SIK3: variants seen among roughly 807,000 people sequenced by gnomAD.
SIK3 encodes the protein serine/threonine-protein kinase SIK3.
A neutral mutation model predicts 144.2 loss-of-function variants in SIK3; 28 were observed. That is an observed-to-expected ratio of 0.19 (90% CI 0.14 to 0.27). The LOEUF (loss-of-function observed/expected upper bound fraction) is 0.27. SIK3 is among the 10% of genes least tolerant of loss of function. The probability of loss-of-function intolerance (pLI) is 1.00; values close to 1 mark genes in which losing one functional copy is unlikely to be tolerated. For synonymous variants in SIK3, 686 were observed against 676.3 expected, an observed-to-expected ratio of 1.01 and a Z score of -0.22; for missense variants, 1,319 against 1,776.0, an observed-to-expected ratio of 0.74 and a Z score of 4.62.
At chr11:117,059,706 T>C (rs1257685575) in intron 1 of SIK3, among the ~76,000 whole-genome samples, 3 of 152,156 alleles carry the variant, frequency 2.0e-5, no homozygotes, top group African/African-American at 4.8e-5. Context: ...AAAGATATGA[T>C]CAGATACCTC....
chr11:116,957,093 G>T, intron 1 of SIK3, 29 bp from the exon 2 acceptor site: 1 of 1,326,696 alleles, frequency 7.5e-7, no homozygotes, highest in Non-Finnish European at 1.0e-6. Context: ...AAATTACTCT[G>T]ATGCATTATT....
chr11:116,857,979 T>C lies in SIK3; in HGVS notation c.3486A>G (p.Ser1162=), dbSNP rs758761949. The change falls in exon 21 of 25, where the codon TCA becomes TCG. Residue 1162 remains serine (S), a synonymous_variant. Transcript: ENST00000445177. ...CATGGCAACCTTTGGTCAATGTACT[T>C]GAACTCTTACTGTCTTGGAAGCCAT... ...AKDGFQDSKS[S]STLTKGCHDS... is the part of the protein sequence containing the mutation. The C allele has an allele frequency of 1.3e-5, 21 of 1,614,224 alleles. No individual in the cohort carries two copies. The highest frequency in any genetic ancestry group is 1.6e-4 in the Middle Eastern group (1 of 6,062).
chr11:116,930,260 C>A (rs1348918599), intron 3 of SIK3, among the ~76,000 whole-genome samples: 1 of 152,128 alleles, frequency 6.6e-6, no homozygotes, highest in Non-Finnish European at 1.5e-5. Context: ...TCCCCCCAAC[C>A]CCTACTCCCA....
chr11:116,983,226 CAA>C (rs751603084), intron 1 of SIK3, among the ~76,000 whole-genome samples: 16 of 86,776 alleles, frequency 1.8e-4, no homozygotes, highest in Admixed American at 4.7e-4. Context: ...GACTCTGTCT[CAA>C]AAAAAAAAAA....
At chr11:116,903,492 A>G (rs1180352359) in intron 4 of SIK3, among the ~76,000 whole-genome samples, 2 of 152,246 alleles carry the variant, frequency 1.3e-5, no homozygotes, top group African/African-American at 4.8e-5. Context: ...GAGGAAAAAA[A>G]TTCTCATAAC....
intron 3 of SIK3, among the ~76,000 whole-genome samples, chr11:116,937,898 T>C (rs1948004182): frequency 6.6e-6 from 1 of 152,056 alleles, no homozygotes; most frequent in Admixed American, 6.6e-5. Flanking sequence ...TTAAATGCTA[T>C]TTTCCATTTA....
rs1565345789 is a variant in SIK3, at chr11:116,844,647, T to TGTG, written c.*995_*996insCAC. On this transcript the variant is annotated 3_prime_UTR_variant, in exon 25 of 25. Coordinates refer to ENST00000445177, the MANE Select transcript of SIK3 (RefSeq NM_001366686.3). ...TATATATAATATATTATATTATATA[T>TGTG]TATATATATAATATATATATACACA... 6.1e-4 allele frequency: 67 copies of TGTG among 109,524 alleles called. 3 individuals carry two copies. Among genetic ancestry groups the TGTG allele is most frequent in the African/African-American group, 2.2e-3 (62 of 28,306 alleles). The allele number at this position is 109,524 out of a possible 1,614,324, so 6.8% of individuals were successfully genotyped here.
At chr11:116,976,654 T>C (rs956249519) in intron 1 of SIK3, among the ~76,000 whole-genome samples, 1 of 152,238 alleles carries the variant, frequency 6.6e-6, no homozygotes, top group Non-Finnish European at 1.5e-5. Context: ...TATCTTCCTC[T>C]GCTAAGGCTG....
chr11:116,859,921 C>T (rs963893437), intron 19 of SIK3, among the ~76,000 whole-genome samples: 6 of 152,114 alleles, frequency 3.9e-5, no homozygotes, highest in East Asian at 1.9e-4. Context: ...TGAACTTTCA[C>T]ATGCACACAA....
intron 1 of SIK3, among the ~76,000 whole-genome samples, chr11:116,961,681 T>C (rs896061157): frequency 1.3e-5 from 2 of 152,208 alleles, no homozygotes; most frequent in African/African-American, 2.4e-5. Flanking sequence ...AGAGACCATA[T>C]ATTTCCTAAG....
At chr11:116,977,726 G>A (rs181293267) in intron 1 of SIK3, among the ~76,000 whole-genome samples, 94 of 152,244 alleles carry the variant, frequency 6.2e-4, no homozygotes, top group Middle Eastern at 3.4e-3. Context: ...TTTAAGACAG[G>A]TAGAATAAAA....
intron 1 of SIK3, among the ~76,000 whole-genome samples, chr11:117,071,713 C>G (rs527639898): frequency 1.3e-5 from 2 of 151,990 alleles, no homozygotes; most frequent in Admixed American, 1.3e-4. Flanking sequence ...ACCTCCCAGG[C>G]TCAAGCAATC....
intron 1 of SIK3, among the ~76,000 whole-genome samples, chr11:117,066,190 T>A (rs147743052): frequency 2.2e-4 from 33 of 151,694 alleles, no homozygotes; most frequent in African/African-American, 7.5e-4. Context: ...TGCCTCAGCC[T>A]CCTGAGTAGC....
chr11:116,974,266 G>T (rs1352533772), intron 1 of SIK3, among the ~76,000 whole-genome samples: 3 of 152,146 alleles, frequency 2.0e-5, no homozygotes, highest in African/African-American at 7.2e-5. Flanking sequence ...ATTTAATGTT[G>T]GAGATACCAG....
At position 117,098,190 on chromosome 11, in the gene SIK3, T is replaced by C; in HGVS notation, c.226A>G (p.Asn76Asp). Residue 76 changes from asparagine to aspartate, a missense_variant, in exon 1 of 25, where the codon AAC becomes GAC. Transcript: ENST00000445177. ...YEIDRTIGKG[N>D]FAVVKRATHL... ...GTGGCCCGCTTGACCACCGCGAAGTTGCCCTTGCCGATGGTGCGGTCGATC... is the reference window on the plus strand; with the variant it reads ...GTGGCCCGCTTGACCACCGCGAAGTCGCCCTTGCCGATGGTGCGGTCGATC... 1 of 1,520,208 alleles carries C rather than the reference T, an allele frequency of 6.6e-7. No individual in the cohort carries two copies. Among genetic ancestry groups the C allele is most frequent in the Non-Finnish European group, 8.8e-7 (1 of 1,133,754 alleles). 94.2% of individuals were successfully genotyped at this position (1,520,208 alleles called of 1,614,324 possible).
intron 1 of SIK3, among the ~76,000 whole-genome samples, chr11:117,022,164 CTTT>C (rs1200690668): frequency 2.0e-5 from 3 of 151,872 alleles, no homozygotes; most frequent in African/African-American, 7.2e-5. Flanking sequence ...ATGTCAAAAT[CTTT>C]TTATTATACA....
chr11:116,878,312 T>C (rs1944365450), intron 6 of SIK3, among the ~76,000 whole-genome samples: 1 of 151,896 alleles, frequency 6.6e-6, no homozygotes. Context: ...AACTCTCCAA[T>C]CTCTTCCCAT....
At chr11:117,062,585 A>C (rs1373237885) in intron 1 of SIK3, among the ~76,000 whole-genome samples, 1 of 152,194 alleles carries the variant, frequency 6.6e-6, no homozygotes, top group Admixed American at 6.5e-5. Context: ...ATTGCAAAGA[A>C]ATACAGTAAG....
At chr11:117,096,633 G>A (rs1955486277) in intron 1 of SIK3, among the ~76,000 whole-genome samples, 1 of 151,968 alleles carries the variant, frequency 6.6e-6, no homozygotes, top group African/African-American at 2.4e-5. Context: ...TGATAAAAAC[G>A]GACAAAAAGG....
Sources: gnomAD v4.1 joint callset for allele counts (sites outside exome capture counted in the v4.1 genomes callset) on GRCh38, gnomAD v4.1.1 for gene constraint, MANE v1.5 for transcripts, NCBI Gene and HGNC (gene_info 2026-07-23, HGNC 2026-07-21) for gene names.